Variants in GALNT13 observed in about 807,000 individuals in gnomAD.
GALNT13 encodes the protein polypeptide N-acetylgalactosaminyltransferase 13.
GALNT13 carries 28 observed loss-of-function variants against 64.2 expected under a neutral mutation model. The observed-to-expected ratio is 0.44, with a 90% confidence interval of 0.32 to 0.60. The LOEUF is 0.60. GALNT13 is among the 20% of genes least tolerant of loss of function. The probability of loss-of-function intolerance (pLI) is 0.05; values close to 1 mark genes in which losing one functional copy is unlikely to be tolerated. For synonymous variants in GALNT13, 214 were observed against 224.6 expected (o/e 0.95, Z 0.42); for missense variants, 577 against 669.8 (o/e 0.86, Z 1.53).
chr2:153,784,723 A>AGTGAC, the GALNT13 span, among the ~76,000 whole-genome samples: 1 of 152,188 alleles, frequency 6.6e-6, no homozygotes. Flanking sequence ...GGGGCTGCAC[A>AGTGAC]GTGACGTCTA....
the GALNT13 span, among the ~76,000 whole-genome samples, chr2:153,768,293 G>T: frequency 6.6e-6 from 1 of 152,160 alleles, no homozygotes. Flanking sequence ...GTTCCATAAA[G>T]GTCTTATAGG....
chr2:153,766,389 A>C, the GALNT13 span, among the ~76,000 whole-genome samples: 1 of 152,144 alleles, frequency 6.6e-6, no homozygotes, highest in African/African-American at 2.4e-5. Context: ...TCTTGCACAT[A>C]GTCGTTGGCA....
the GALNT13 span, among the ~76,000 whole-genome samples, chr2:153,763,125 G>T: frequency 6.6e-6 from 1 of 151,832 alleles, no homozygotes. Context: ...TTGTTTTGAT[G>T]TATTTTTATT....
intron 3 of GALNT13, among the ~76,000 whole-genome samples, chr2:154,098,084 G>GTCTT (rs1370278246): frequency 8.8e-6 from 1 of 113,164 alleles, no homozygotes; most frequent in African/African-American, 3.3e-5. Context: ...TTCTCTGCTT[G>GTCTT]TCTTTCTTTT....
At chr2:153,940,078 TG>T (rs1691228752) in intron 2 of GALNT13, among the ~76,000 whole-genome samples, 1 of 150,422 alleles carries the variant, frequency 6.6e-6, no homozygotes, top group South Asian at 2.2e-4. Flanking sequence ...TTTTTGTTGT[TG>T]TTTTTTTCAG....
At chr2:153,431,923 T>G in the GALNT13 span, among the ~76,000 whole-genome samples, 1 of 152,202 alleles carries the variant, frequency 6.6e-6, no homozygotes, top group South Asian at 2.1e-4. Context: ...TATTTCTCCC[T>G]CAAGTATTGC....
At chr2:153,620,459 T>C in the GALNT13 span, among the ~76,000 whole-genome samples, 1 of 151,966 alleles carries the variant, frequency 6.6e-6, no homozygotes, top group Non-Finnish European at 1.5e-5. Context: ...GTTCTTTTTT[T>C]CTTTTGTCTC....
At chr2:153,964,230 A>G (rs1404290484) in intron 3 of GALNT13, among the ~76,000 whole-genome samples, 1 of 152,096 alleles carries the variant, frequency 6.6e-6, no homozygotes, top group African/African-American at 2.4e-5. Flanking sequence ...AAGGGAATTG[A>G]TTGAGCTCAG....
At chr2:154,393,282 G>A (rs1245671547) in intron 9 of GALNT13, among the ~76,000 whole-genome samples, 1 of 152,174 alleles carries the variant, frequency 6.6e-6, no homozygotes, top group African/African-American at 2.4e-5. Context: ...TCTCCATCTT[G>A]TAGCTGCACC....
At chr2:154,340,259 C>T (rs938101014) in intron 9 of GALNT13, among the ~76,000 whole-genome samples, 2 of 151,992 alleles carry the variant, frequency 1.3e-5, no homozygotes, top group Non-Finnish European at 2.9e-5. Flanking sequence ...CATTTATTTA[C>T]TTATTTACCT....
chr2:154,178,238 G>C (rs949832592), intron 4 of GALNT13, among the ~76,000 whole-genome samples: 1 of 152,120 alleles, frequency 6.6e-6, no homozygotes, highest in Non-Finnish European at 1.5e-5. Context: ...GAATCACCAG[G>C]CTATGCCAAA....
At chr2:154,221,754 G>A (rs924187049) in intron 4 of GALNT13, among the ~76,000 whole-genome samples, 2 of 152,050 alleles carry the variant, frequency 1.3e-5, no homozygotes, top group Admixed American at 1.3e-4. Flanking sequence ...CTCTTTTAGA[G>A]CACAGCAATT....
intron 3 of GALNT13, among the ~76,000 whole-genome samples, chr2:154,126,879 A>G (rs1020012734): frequency 5.3e-5 from 8 of 152,000 alleles, no homozygotes; most frequent in African/African-American, 1.7e-4. Flanking sequence ...GTACATGGGA[A>G]AAAAGAGGCC....
the GALNT13 span, among the ~76,000 whole-genome samples, chr2:153,162,038 G>A: frequency 0.62 from 94,618 of 151,926 alleles, 30,169 homozygotes; most frequent in African/African-American, 0.75. Context: ...ATCTGAAGGC[G>A]TGAATGCACC....
the GALNT13 span, among the ~76,000 whole-genome samples, chr2:153,591,244 A>C: frequency 6.6e-6 from 1 of 152,132 alleles, no homozygotes; most frequent in Non-Finnish European, 1.5e-5. Context: ...GAATATATTT[A>C]ACCAAGGAGA....
intron 2 of GALNT13, among the ~76,000 whole-genome samples, chr2:153,912,290 C>A (rs1688995623): frequency 6.6e-6 from 1 of 152,000 alleles, no homozygotes; most frequent in African/African-American, 2.4e-5. Context: ...GCTATTTTGT[C>A]TATCAGATTC....
chr2:153,174,335 C>G, the GALNT13 span, among the ~76,000 whole-genome samples: 1 of 152,186 alleles, frequency 6.6e-6, no homozygotes, highest in Non-Finnish European at 1.5e-5. Context: ...TAACCCATGC[C>G]TTTACCCTTC....
At chr2:153,842,777 G>A in the GALNT13 span, among the ~76,000 whole-genome samples, 1 of 151,534 alleles carries the variant, frequency 6.6e-6, no homozygotes, top group Non-Finnish European at 1.5e-5. Flanking sequence ...GGACCAACAG[G>A]TAACCCAGAT....
chr2:153,479,626 CA>C, the GALNT13 span, among the ~76,000 whole-genome samples: 2 of 152,200 alleles, frequency 1.3e-5, no homozygotes, highest in African/African-American at 4.8e-5. Context: ...GTGCTTCCAG[CA>C]TTTTGTCCGT....
Sources: allele counts gnomAD v4.1 joint callset (sites outside exome capture counted in the v4.1 genomes callset), GRCh38; gene constraint gnomAD v4.1.1; transcripts MANE v1.5; gene names NCBI Gene and HGNC (gene_info 2026-07-23, HGNC 2026-07-21).